Variants in CACNA1B observed in about 807,000 individuals in gnomAD.
CACNA1B encodes the protein calcium voltage-gated channel subunit alpha1 B, also known as voltage-dependent N-type calcium channel subunit alpha-1B.
Under a neutral mutation model 247.2 loss-of-function variants are expected in CACNA1B, and 70 were observed. The ratio of observed to expected loss-of-function variants is 0.28; its 90% CI spans 0.23 to 0.35. CACNA1B has a LOEUF of 0.35. Ranked by LOEUF, CACNA1B falls within the 10% of genes least tolerant of loss-of-function variation. The pLI is 1.00. For synonymous variants in CACNA1B, 1,231 were observed against 1,294.4 expected (o/e 0.95, Z 1.05); for missense variants, 2,367 against 3,197.4 (o/e 0.74, Z 6.26).
Position 137,972,338 on chromosome 9 carries a change from G to GGGTC in CACNA1B, c.1543+747_1543+750dup, listed in dbSNP as rs1429968917. Among the ~76,000 whole-genome samples, 5 of 152,184 alleles carry GGGTC rather than the reference G, an allele frequency of 3.3e-5. No homozygotes were observed. In the East Asian group the frequency reaches 5.8e-4, roughly 18 times the overall value. ...AGTGATTCAGCCCTCCTGACCCCAG[G>GGGTC]GGTCAGCTGCACTCACCCTGCTGGG... On this transcript the variant is annotated intron_variant, in intron 11 of 46. Transcript: ENST00000371372.
chr9:138,073,916 A>G lies in CACNA1B; in HGVS notation c.4792-85A>G. 9.4e-7 allele frequency: 1 copy of G among 1,064,884 alleles called. No individual in the cohort carries two copies. Among genetic ancestry groups the G allele is most frequent in the Non-Finnish European group, 1.4e-6 (1 of 692,274 alleles). 66.0% of individuals were successfully genotyped at this position (1,064,884 alleles called of 1,614,324 possible). A position where few individuals can be genotyped will look rare whatever the true frequency, so the allele number is the denominator to read the frequency against. On this transcript the variant is annotated intron_variant, in intron 33 of 46. Coordinates refer to ENST00000371372, the MANE Select transcript of CACNA1B (RefSeq NM_000718.4). This position sits in a 1 kb window ranked among gnomAD's most constrained non-coding sequence, Gnocchi z 6.4. ...GCTTGAGTAGGCTGAGGTCTGTGTG[A>G]CCTCAAAGGCCCAGCCACCGTAGCA...
At position 137,954,039 on chromosome 9, in the gene CACNA1B, C is replaced by T. The variant is rs1253812307; in HGVS notation, c.1071-1659C>T. Among the ~76,000 whole-genome samples, 1 of 152,140 alleles carries T rather than the reference C, an allele frequency of 6.6e-6. No homozygotes were observed. ...TAGCCTGAGGGGCTGGAGGGGAGGC[C>T]CAAGGCAGGGCCTGCACGGTATTTC... On this transcript the variant is annotated intron_variant, in intron 7 of 46. Coordinates refer to ENST00000371372, the MANE Select transcript of CACNA1B (RefSeq NM_000718.4). This position sits in a 1 kb window ranked among gnomAD's most constrained non-coding sequence, Gnocchi z 4.1.
At chr9:138,076,275 T>G (rs1960315718) in intron 35 of CACNA1B, among the ~76,000 whole-genome samples, 1 of 152,158 alleles carries the variant, frequency 6.6e-6, no homozygotes, top group African/African-American at 2.4e-5. Flanking sequence ...AGGGGCTCTC[T>G]TGAAGTGCGG....
At position 138,050,994 on chromosome 9, in the gene CACNA1B, C is replaced by T. The variant is rs2133487237; in HGVS notation, c.3711-1098C>T. 6.6e-6 allele frequency among the ~76,000 whole-genome samples: 1 copy of T among 152,246 alleles called. No homozygotes were observed. The highest frequency in any genetic ancestry group is 1.9e-4 in the East Asian group (1 of 5,164). On this transcript the variant is annotated intron_variant, in intron 24 of 46. Transcript: ENST00000371372. The surrounding 1 kb of genome is among the most constrained non-coding windows in gnomAD (Gnocchi z 5.2). ...CCCAGGAAGAGCACAGGGGGCAGGG[C>T]CACCCCTAGAAGCAGGCCTTCCCCA...
intron 6 of CACNA1B, among the ~76,000 whole-genome samples, chr9:137,939,569 G>A (rs1323913488): frequency 6.6e-6 from 1 of 151,980 alleles, no homozygotes; most frequent in Non-Finnish European, 1.5e-5. Flanking sequence ...GGAGGCTGAG[G>A]CAGGTGGATC....
intron 6 of CACNA1B, among the ~76,000 whole-genome samples, chr9:137,922,368 G>A (rs1469256053): frequency 2.6e-5 from 4 of 151,134 alleles, no homozygotes; most frequent in Admixed American, 6.6e-5. Flanking sequence ...AGAGTAAAGC[G>A]TTCGGAGAAC....
At chr9:137,878,858 C>T (rs1182553515) in intron 1 of CACNA1B, among the ~76,000 whole-genome samples, 196 bp from the exon 2 acceptor site, 1 of 152,176 alleles carries the variant, frequency 6.6e-6, no homozygotes, top group African/African-American at 2.4e-5. Flanking sequence ...GGAGGCCCCG[C>T]CTCGCGGCCG....
intron 11 of CACNA1B, among the ~76,000 whole-genome samples, chr9:137,975,492 G>A (rs1564216574): frequency 6.6e-6 from 1 of 152,192 alleles, no homozygotes; most frequent in Non-Finnish European, 1.5e-5. Context: ...AGATTGGGGT[G>A]AGGCCAGAGG....
At position 138,052,054 on chromosome 9, in the gene CACNA1B, C is replaced by T. The variant is rs1179864806; in HGVS notation, c.3711-38C>T. The T allele has an allele frequency of 1.6e-6, 2 of 1,231,810 alleles. No individual in the cohort carries two copies. The highest frequency in any genetic ancestry group is 4.7e-5 in the East Asian group (2 of 42,408). The allele number at this position is 1,231,810 out of a possible 1,614,324, so 76.3% of individuals were successfully genotyped here. A position where few individuals can be genotyped will look rare whatever the true frequency, so the allele number is the denominator to read the frequency against. Reference sequence around the variant, plus strand: ...CACGTGGGAGCTGGGCACACCCATGCCTCCTGCCTGTCTGCATCTGTGGCT... The same window carrying T: ...CACGTGGGAGCTGGGCACACCCATGTCTCCTGCCTGTCTGCATCTGTGGCT... On this transcript the variant is annotated intron_variant, in intron 24 of 46. Coordinates refer to ENST00000371372, the MANE Select transcript of CACNA1B (RefSeq NM_000718.4). The surrounding 1 kb of genome is among the most constrained non-coding windows in gnomAD (Gnocchi z 5.1).
chr9:138,122,230 G>A lies in CACNA1B; in HGVS notation c.*231G>A, dbSNP rs998104134. 2.1e-5 allele frequency: 12 copies of A among 581,278 alleles called. No homozygotes were observed. Among genetic ancestry groups the A allele is most frequent in the African/African-American group, 7.5e-5 (4 of 53,446 alleles). 36.0% of individuals were successfully genotyped at this position (581,278 alleles called of 1,614,324 possible). A position where few individuals can be genotyped will look rare whatever the true frequency, so the allele number is the denominator to read the frequency against. ...TTCCTGTCCTGCCTTCCTGGGTCTC[G>A]TACCACACACCAGACCCTAAACCGC... On this transcript the variant is annotated 3_prime_UTR_variant, in exon 47 of 47. Transcript: ENST00000371372.
At position 138,115,563 on chromosome 9, in the gene CACNA1B, G is replaced by A. The variant is rs201396497; in HGVS notation, c.5661G>A (p.Val1887=). ...APGGLSQMGP[V]SLFHPLKATL... ...TGCCTCCTTTGCAGATGGGTCCTGT[G>A]TCCCTGTTCCACCCTCTGAAGGCCA... is the stretch of plus-strand genomic sequence containing the variant. The change falls in exon 42 of 47, where the codon GTG becomes GTA. Residue 1887 remains valine, a synonymous_variant. Transcript: ENST00000371372. The A allele has an allele frequency of 1.9e-6, 3 of 1,613,382 alleles. No individual in the cohort carries two copies. Among genetic ancestry groups the A allele is most frequent in the Non-Finnish European group, 2.5e-6 (3 of 1,179,774 alleles).
intron 19 of CACNA1B, 56 bp from the exon 20 acceptor site, chr9:138,024,899 C>T (rs971856203): frequency 3.1e-6 from 4 of 1,273,956 alleles, no homozygotes; most frequent in African/African-American, 1.5e-5. Flanking sequence ...CTCCCGGTGC[C>T]GGGATCACAG....
intron 15 of CACNA1B, among the ~76,000 whole-genome samples, chr9:138,002,421 G>A (rs1958588496): frequency 6.6e-6 from 1 of 152,068 alleles, no homozygotes; most frequent in Non-Finnish European, 1.5e-5. Context: ...GATTTAAAGA[G>A]TAAGAGGCCA....
In CACNA1B at chr9:138,069,742, AAAACATCACATGT is replaced by A; in HGVS notation, c.4669-14_4669-2del. 6.2e-7 allele frequency: 1 copy of A among 1,604,938 alleles called. No individual in the cohort carries two copies. The highest frequency in any genetic ancestry group is 1.1e-5 in the South Asian group (1 of 90,738). The stretch of plus-strand genomic sequence containing the variant: ...AATAATATGCAAATATCCATCCATG[AAAACATCACATGT>A]AGGAAACGGTTGGTTTCACGACTCT... On this transcript the variant is annotated splice_polypyrimidine_tract_variant and splice_region_variant and intron_variant, in intron 31 of 46. Coordinates refer to ENST00000371372, the MANE Select transcript of CACNA1B (RefSeq NM_000718.4).
intron 22 of CACNA1B, 78 bp downstream of exon 22, chr9:138,047,111 G>C: frequency 2.2e-6 from 3 of 1,391,372 alleles, no homozygotes; most frequent in Non-Finnish European, 2.9e-6. Flanking sequence ...CCAAGGGGCT[G>C]GGGTGGGGCT....
intron 15 of CACNA1B, among the ~76,000 whole-genome samples, chr9:137,996,144 A>G (rs145553338): frequency 1.9e-3 from 283 of 152,340 alleles, no homozygotes; most frequent in African/African-American, 6.4e-3. Context: ...TTGATCAGCA[A>G]TCCCACTTCT....
At chr9:138,070,542 G>C (rs1960089959) in intron 32 of CACNA1B, among the ~76,000 whole-genome samples, 1 of 152,242 alleles carries the variant, frequency 6.6e-6, no homozygotes, top group African/African-American at 2.4e-5. Flanking sequence ...CCCAACTTTA[G>C]CTGTGACTGT....
chr9:137,921,867 A>G (rs1172802496), intron 6 of CACNA1B, among the ~76,000 whole-genome samples: 4 of 147,026 alleles, frequency 2.7e-5, no homozygotes, highest in African/African-American at 1.0e-4. Context: ...TTTGGAGAAC[A>G]TGATCAGCAC....
chr9:137,901,537 A>G (rs1375598861), intron 3 of CACNA1B, among the ~76,000 whole-genome samples: 1 of 151,750 alleles, frequency 6.6e-6, no homozygotes, highest in Non-Finnish European at 1.5e-5. Flanking sequence ...ATTTTGCATT[A>G]TTTTGGTGAT....
Sources: allele counts gnomAD v4.1 joint callset (sites outside exome capture counted in the v4.1 genomes callset), GRCh38; gene constraint gnomAD v4.1.1; non-coding constraint Gnocchi (gnomAD v3.1); transcripts MANE v1.5; gene names NCBI Gene and HGNC (gene_info 2026-07-23, HGNC 2026-07-21).